DPP4: variants seen among roughly 807,000 people sequenced by gnomAD.
DPP4 encodes the protein dipeptidyl peptidase 4.
DPP4 carries 93 observed loss-of-function variants against 122.4 expected under a neutral mutation model. The observed-to-expected ratio is 0.76, with a 90% confidence interval of 0.64 to 0.90. DPP4 has a LOEUF of 0.90. Among genes scored for constraint, DPP4 ranks in the 40% least tolerant of loss-of-function variants. DPP4 has a pLI of 0.00. For synonymous variants in DPP4, 321 were observed against 302.9 expected (o/e 1.06, Z -0.62); for missense variants, 914 against 907.3 (o/e 1.01, Z -0.09).
intron 5 of DPP4, among the ~76,000 whole-genome samples, chr2:162,042,184 C>A (rs2106128223): frequency 6.6e-6 from 1 of 152,332 alleles, no homozygotes; most frequent in East Asian, 1.9e-4. Flanking sequence ...AAGTTTCTTT[C>A]TAAGCTTCCA....
chr2:162,038,281 A>C (rs1157529400), intron 8 of DPP4, 21 bp downstream of exon 8: 1 of 1,522,230 alleles, frequency 6.6e-7, no homozygotes, highest in Admixed American at 2.4e-5. Context: ...TTCTGATTTG[A>C]AAAAGCTTTA....
Position 162,011,796 on chromosome 2 carries a change from G to A in DPP4, c.1829C>T (p.Ala610Val). ...TFEVEDQIEA[A>V]RQFSKMGFVD... Reference sequence around the variant, plus strand: ...ACTTCATCTCCTAGTCACTCACCTGGCTGCTTCAATTTGATCTTCAACTTC... The same window carrying A: ...ACTTCATCTCCTAGTCACTCACCTGACTGCTTCAATTTGATCTTCAACTTC... Residue 610 changes from alanine to valine, a missense_variant, in exon 20 of 26, where the codon GCC becomes GTC. Physicochemically the swap from Ala to Val is moderately conservative, Grantham distance 64. Transcript: ENST00000360534. The A allele has an allele frequency of 6.2e-7, 1 of 1,613,066 alleles. No homozygotes were observed. Among genetic ancestry groups the A allele is most frequent in the Non-Finnish European group, 8.5e-7 (1 of 1,179,370 alleles).
At chr2:162,039,647 G>C (rs1315451148) in intron 5 of DPP4, among the ~76,000 whole-genome samples, 2 of 151,930 alleles carry the variant, frequency 1.3e-5, no homozygotes, top group Non-Finnish European at 2.9e-5. Flanking sequence ...AAGCCCCCTG[G>C]CAAGATATAT....
intron 2 of DPP4, among the ~76,000 whole-genome samples, chr2:162,068,909 A>G (rs1474981735): frequency 6.6e-6 from 1 of 152,156 alleles, no homozygotes; most frequent in Non-Finnish European, 1.5e-5. Context: ...GGGCCCACAC[A>G]CTAGGGAACT....
intron 10 of DPP4, among the ~76,000 whole-genome samples, chr2:162,025,826 G>T (rs1683308774): frequency 6.6e-6 from 1 of 152,082 alleles, no homozygotes; most frequent in Non-Finnish European, 1.5e-5. Flanking sequence ...AAATGAGTGT[G>T]TTCATCTCCC....
chr2:162,045,449 A>G lies in DPP4; in HGVS notation c.366+83T>C. On this transcript the variant is annotated intron_variant, in intron 5 of 25. Coordinates refer to ENST00000360534, the MANE Select transcript of DPP4 (RefSeq NM_001935.4). ...TTACATTACTTAGATATTAATCTTA[A>G]GTATCCATACACTTGAAATCGGTTA... is the stretch of plus-strand genomic sequence containing the variant. 5.2e-6 allele frequency: 5 copies of G among 964,342 alleles called. No individual in the cohort carries two copies. In the South Asian group the frequency reaches 6.9e-5, roughly 13 times the overall value. 59.7% of individuals were successfully genotyped at this position (964,342 alleles called of 1,614,324 possible).
chr2:162,010,217 T>G (rs1192922491), intron 20 of DPP4, among the ~76,000 whole-genome samples: 1 of 152,216 alleles, frequency 6.6e-6, no homozygotes, highest in East Asian at 1.9e-4. Flanking sequence ...AACAGATCAT[T>G]CATGTATAAT....
rs1448733483 is a variant in DPP4, at chr2:162,073,497, A to G, written c.7-11T>C. 1 of 1,613,410 alleles carries G rather than the reference A, an allele frequency of 6.2e-7. No individual in the cohort carries two copies. The highest frequency in any genetic ancestry group is 8.5e-7 in the Non-Finnish European group (1 of 1,179,858). On this transcript the variant is annotated splice_polypyrimidine_tract_variant and intron_variant, in intron 1 of 25. Transcript: ENST00000360534. ...AACCTTCCACGGTGTCTGCAAGCCG[A>G]GCAGATCAAGTCCAATTAGAGGGAA...
At chr2:162,023,621 T>A (rs1683215330) in intron 11 of DPP4, among the ~76,000 whole-genome samples, 1 of 152,166 alleles carries the variant, frequency 6.6e-6, no homozygotes, top group Non-Finnish European at 1.5e-5. Flanking sequence ...TCCCACATCA[T>A]CTCCTTCCCC....
chr2:162,038,417 A>G lies in DPP4; in HGVS notation c.498T>C (p.Tyr166=), dbSNP rs771565411. The G allele has an allele frequency of 1.9e-6, 3 of 1,599,030 alleles. No individual in the cohort carries two copies. Among genetic ancestry groups the G allele is most frequent in the African/African-American group, 1.3e-5 (1 of 74,126 alleles). The change falls in exon 8 of 26, where the codon TAT becomes TAC. Residue 166 remains tyrosine, a synonymous_variant. Transcript: ENST00000360534. ...TWSPVGHKLA[Y]VWNNDIYVKI... ...TAACATAAATGTCATTGTTCCAAAC[A>G]TATGCCTAGAAGGAAAAAAAACAAG...
chr2:162,070,608 T>C (rs1576078208), intron 2 of DPP4, among the ~76,000 whole-genome samples: 1 of 152,096 alleles, frequency 6.6e-6, no homozygotes, highest in African/African-American at 2.4e-5. Flanking sequence ...CCTTCCTTTT[T>C]CCTTCACTCT....
At position 162,039,011 on chromosome 2, in the gene DPP4, T is replaced by C; in HGVS notation, c.430A>G (p.Thr144Ala). The C allele has an allele frequency of 6.2e-7, 1 of 1,613,376 alleles. No homozygotes were observed. The highest frequency in any genetic ancestry group is 8.5e-7 in the Non-Finnish European group (1 of 1,179,466). ...IYDLNKRQLI[T>A]EERIPNNTQW... is the part of the protein sequence containing the mutation. The stretch of plus-strand genomic sequence containing the variant: ...GTGTTGTTTGGAATCCTCTCTTCTG[T>C]AATCAGCTGCCTGGAAAAAAGATGA... The change falls in exon 7 of 26, where the codon ACA (threonine) becomes GCA (alanine). Residue 144 changes from threonine to alanine, a missense_variant. Coordinates refer to ENST00000360534, the MANE Select transcript of DPP4 (RefSeq NM_001935.4).
intron 2 of DPP4, among the ~76,000 whole-genome samples, chr2:162,068,901 G>A (rs924344931): frequency 3.3e-5 from 5 of 152,052 alleles, no homozygotes; most frequent in Non-Finnish European, 5.9e-5. Context: ...GGGAACTGGG[G>A]CCCACACACT....
At chr2:162,063,516 G>C (rs779097103) in intron 2 of DPP4, among the ~76,000 whole-genome samples, 9 of 152,052 alleles carry the variant, frequency 5.9e-5, no homozygotes, top group Non-Finnish European at 1.3e-4. Context: ...GGCTGGGAAA[G>C]ACTGCACAGT....
At chr2:162,048,446 A>G (rs1321523357) in intron 2 of DPP4, among the ~76,000 whole-genome samples, 3 of 152,030 alleles carry the variant, frequency 2.0e-5, no homozygotes, top group Admixed American at 6.6e-5. Context: ...AAAGTTTTCA[A>G]TATTTCCCCA....
intron 11 of DPP4, among the ~76,000 whole-genome samples, chr2:162,023,930 T>C (rs1441070727): frequency 6.6e-6 from 1 of 152,222 alleles, no homozygotes; most frequent in East Asian, 1.9e-4. Flanking sequence ...TGCTGACTAA[T>C]TCACTTTTTA....
At chr2:162,058,284 G>A (rs1684647085) in intron 2 of DPP4, among the ~76,000 whole-genome samples, 1 of 152,148 alleles carries the variant, frequency 6.6e-6, no homozygotes, top group South Asian at 2.1e-4. Flanking sequence ...TCCTGTAAAT[G>A]ACCAGAAAAG....
Position 162,016,749 on chromosome 2 carries a change from C to A in DPP4, c.1567+19G>T, listed in dbSNP as rs1682941107. The A allele has an allele frequency of 6.3e-7, 1 of 1,583,168 alleles. No individual in the cohort carries two copies. The highest frequency in any genetic ancestry group is 1.7e-5 in the Admixed American group (1 of 57,414). Reference sequence around the variant, plus strand: ...TGGTGTTTCCATGAAAAGTACTATTCCAAAGGAATTTAACTTACTTGTTTC... The same window carrying A: ...TGGTGTTTCCATGAAAAGTACTATTACAAAGGAATTTAACTTACTTGTTTC... On this transcript the variant is annotated intron_variant, in intron 18 of 25. Transcript: ENST00000360534.
intron 2 of DPP4, among the ~76,000 whole-genome samples, chr2:162,051,494 A>AT (rs1421098698): frequency 6.6e-6 from 1 of 152,248 alleles, no homozygotes; most frequent in African/African-American, 2.4e-5. Context: ...CTCAAAAGAA[A>AT]TGTGCTCGTT....
Sources: gnomAD v4.1 joint callset for allele counts (sites outside exome capture counted in the v4.1 genomes callset) on GRCh38, gnomAD v4.1.1 for gene constraint, MANE v1.5 for transcripts, NCBI Gene and HGNC (gene_info 2026-07-23, HGNC 2026-07-21) for gene names.